KSR2: variants seen among roughly 807,000 people sequenced by gnomAD.
KSR2 encodes the protein kinase suppressor of ras 2.
Under a neutral mutation model 107.8 loss-of-function variants are expected in KSR2, and 25 were observed. The ratio of observed to expected loss-of-function variants is 0.23; its 90% CI spans 0.17 to 0.32. KSR2 has a LOEUF of 0.32. KSR2 is among the 10% of genes least tolerant of loss of function. The pLI is 1.00. For synonymous variants in KSR2, 480 were observed against 507.0 expected (o/e 0.95, Z 0.71); for missense variants, 887 against 1,268.9 (o/e 0.70, Z 4.57).
At chr12:117,634,118 C>A (rs1304308725) in intron 5 of KSR2, among the ~76,000 whole-genome samples, 1 of 152,130 alleles carries the variant, frequency 6.6e-6, no homozygotes, top group East Asian at 1.9e-4. Flanking sequence ...GACTATACAT[C>A]AAATGAATGG....
chr12:117,486,795 C>G (rs1423298968), intron 14 of KSR2, among the ~76,000 whole-genome samples: 1 of 152,142 alleles, frequency 6.6e-6, no homozygotes, highest in Non-Finnish European at 1.5e-5. Context: ...CTCTGGGCCT[C>G]AGTTTCCTCA....
intron 1 of KSR2, among the ~76,000 whole-genome samples, chr12:117,936,521 TTATTATTATTATTAGTAG>T (rs1201867938): frequency 2.8e-3 from 131 of 46,754 alleles, no homozygotes; most frequent in African/African-American, 9.3e-3. Context: ...TTTATTATTA[TTATTATTATTATTAGTAG>T]TAGTAGTAGT....
At chr12:117,498,863 C>T (rs1873200256) in intron 14 of KSR2, among the ~76,000 whole-genome samples, 1 of 152,212 alleles carries the variant, frequency 6.6e-6, no homozygotes, top group African/African-American at 2.4e-5. Context: ...GTGAGGCCTC[C>T]CCAGCCATGT....
At chr12:117,540,280 G>C (rs1389572842) in intron 9 of KSR2, among the ~76,000 whole-genome samples, 1 of 152,150 alleles carries the variant, frequency 6.6e-6, no homozygotes, top group Non-Finnish European at 1.5e-5. Context: ...CAGTCTGACA[G>C]CTCCAGAGAG....
chr12:117,826,684 C>G (rs1195501086), intron 3 of KSR2, among the ~76,000 whole-genome samples: 1 of 143,948 alleles, frequency 6.9e-6, no homozygotes, highest in East Asian at 2.0e-4. Context: ...TTAGCAAGAT[C>G]TTTTTAAAAA....
At chr12:117,828,534 G>T (rs1305884007) in intron 3 of KSR2, among the ~76,000 whole-genome samples, 1 of 152,186 alleles carries the variant, frequency 6.6e-6, no homozygotes, top group African/African-American at 2.4e-5. Context: ...AGAAGTGTGT[G>T]TTATAATGAT....
intron 1 of KSR2, among the ~76,000 whole-genome samples, chr12:117,934,848 CAG>C (rs923053105): frequency 3.3e-5 from 5 of 152,088 alleles, no homozygotes; most frequent in African/African-American, 1.2e-4. Context: ...CTTTTTGAGA[CAG>C]AGTCTTGCTC....
intron 14 of KSR2, among the ~76,000 whole-genome samples, chr12:117,504,900 C>T (rs1288306671): frequency 6.6e-6 from 1 of 152,172 alleles, no homozygotes; most frequent in Non-Finnish European, 1.5e-5. Flanking sequence ...TTTAATCCCA[C>T]ACTCCCTTCT....
chr12:117,764,945 C>A (rs1353093909), intron 3 of KSR2, among the ~76,000 whole-genome samples: 2 of 152,232 alleles, frequency 1.3e-5, no homozygotes, highest in African/African-American at 4.8e-5. Context: ...CAGCTCCCAG[C>A]ACACAATAGG....
At chr12:117,618,420 T>C (rs1273035707) in intron 5 of KSR2, among the ~76,000 whole-genome samples, 2 of 152,056 alleles carry the variant, frequency 1.3e-5, no homozygotes, top group African/African-American at 2.4e-5. Context: ...AGCCGCCATT[T>C]TGGAATTAGC....
At chr12:117,469,622 G>A in intron 19 of KSR2, 40 bp downstream of exon 19, 1 of 1,603,028 alleles carries the variant, frequency 6.2e-7, no homozygotes, top group Non-Finnish European at 8.5e-7. Flanking sequence ...AAGGGCAGAG[G>A]ACAAGGCAGT....
At chr12:117,955,971 C>G (rs1051614211) in intron 1 of KSR2, among the ~76,000 whole-genome samples, 9 of 151,776 alleles carry the variant, frequency 5.9e-5, no homozygotes, top group Non-Finnish European at 1.2e-4. Flanking sequence ...TCAAGGCCAG[C>G]CAGGCGCAGT....
intron 5 of KSR2, among the ~76,000 whole-genome samples, chr12:117,623,864 T>C (rs936214988): frequency 3.3e-5 from 5 of 152,268 alleles, no homozygotes; most frequent in African/African-American, 1.2e-4. Context: ...AAAGCGTTCC[T>C]ATTTCTCCAC....
chr12:117,926,960 A>G (rs1895536548), intron 1 of KSR2, among the ~76,000 whole-genome samples: 1 of 152,172 alleles, frequency 6.6e-6, no homozygotes, highest in African/African-American at 2.4e-5. Flanking sequence ...GGACTGTGGT[A>G]GGTATGAAAC....
At chr12:117,944,937 A>T (rs951303329) in intron 1 of KSR2, among the ~76,000 whole-genome samples, 1 of 152,166 alleles carries the variant, frequency 6.6e-6, no homozygotes, top group African/African-American at 2.4e-5. Flanking sequence ...TATCAGAGAA[A>T]ATAGTTTTCA....
chr12:117,643,864 C>A (rs919543047), intron 5 of KSR2, among the ~76,000 whole-genome samples: 1 of 152,218 alleles, frequency 6.6e-6, no homozygotes, highest in South Asian at 2.1e-4. Context: ...ATGGGCTTGA[C>A]AATTTTATTC....
intron 3 of KSR2, among the ~76,000 whole-genome samples, chr12:117,854,874 GAA>G (rs35476760): frequency 1.0e-4 from 15 of 143,080 alleles, no homozygotes; most frequent in East Asian, 8.1e-4. Context: ...TTTATTAGGT[GAA>G]AAAAAAAAAA....
intron 3 of KSR2, among the ~76,000 whole-genome samples, chr12:117,801,059 C>T (rs535757916): frequency 3.9e-5 from 6 of 152,106 alleles, no homozygotes; most frequent in Non-Finnish European, 8.8e-5. Context: ...AATAAGCATA[C>T]GTGTGTATGT....
In KSR2 at chr12:117,927,700, G is replaced by GA. The variant is rs1467254048; in HGVS notation, c.180+40375_180+40376insT. On this transcript the variant is annotated intron_variant, in intron 1 of 19. Coordinates refer to ENST00000339824, the MANE Select transcript of KSR2 (RefSeq NM_173598.6). ...AGAGCAAGACTCAGTCTGGAAAAAA[G>GA]GAAAAAAAAAGGAACCAGGCCTTTC... Among the ~76,000 whole-genome samples the GA allele has an allele frequency of 6.6e-4, 98 of 148,674 alleles. 1 individual carries two copies. The highest frequency in any genetic ancestry group is 3.4e-3 in the Middle Eastern group (1 of 290).
Sources: allele counts gnomAD v4.1 joint callset (sites outside exome capture counted in the v4.1 genomes callset), GRCh38; gene constraint gnomAD v4.1.1; transcripts MANE v1.5; gene names NCBI Gene and HGNC (gene_info 2026-07-23, HGNC 2026-07-21).